Variants in CEP152 observed in about 807,000 individuals in gnomAD.
CEP152 encodes the protein centrosomal protein 152, also known as centrosomal protein of 152 kDa.
In CEP152, 132 loss-of-function variants were observed where a neutral mutation model predicts 188.9. That is an observed-to-expected ratio of 0.70 (90% CI 0.61 to 0.81). The LOEUF (loss-of-function observed/expected upper bound fraction) is 0.81, where lower values mean the gene tolerates loss of function less well. Among genes scored for constraint, CEP152 ranks in the 30% least tolerant of loss-of-function variants. The pLI is 0.00. For synonymous variants in CEP152, 649 were observed against 666.6 expected (o/e 0.97, Z 0.41); for missense variants, 1,914 against 1,969.8 (o/e 0.97, Z 0.54).
Position 48,738,279 on chromosome 15 carries a change from G to A in CEP152, c.5103C>T (p.Gly1701=), listed in dbSNP as rs555777081. The A allele has an allele frequency of 1.9e-6, 3 of 1,613,742 alleles. No individual in the cohort carries two copies. In the African/African-American group the frequency reaches 4.0e-5, roughly 22 times the overall value. The change falls in exon 27 of 27, where the codon GGC becomes GGT. Residue 1701 remains glycine, a synonymous_variant. Transcript: ENST00000380950. ...CTAGATTAACAAATGGGCTATCAAAGCCACTATCTTGTTGGCTAGATAGCG... is the reference window on the plus strand; with the variant it reads ...CTAGATTAACAAATGGGCTATCAAAACCACTATCTTGTTGGCTAGATAGCG... ...IVPLSSQQDS[G]FDSPFVNLD
At chr15:48,731,402 T>C (rs1460423799) in intron 2 of CEP152, among the ~76,000 whole-genome samples, 2 of 152,096 alleles carry the variant, frequency 1.3e-5, no homozygotes, top group African/African-American at 4.8e-5. Flanking sequence ...TTTAAAATAG[T>C]CACGTTTTTC....
intron 9 of CEP152, among the ~76,000 whole-genome samples, chr15:48,788,431 T>C (rs985406863): frequency 1.3e-5 from 2 of 149,272 alleles, no homozygotes; most frequent in Non-Finnish European, 3.0e-5. Flanking sequence ...CCTCCCGGGT[T>C]CAAGCAATTC....
chr15:48,794,700 A>C (rs1031644012), intron 6 of CEP152, among the ~76,000 whole-genome samples: 1 of 152,260 alleles, frequency 6.6e-6, no homozygotes, highest in African/African-American at 2.4e-5. Flanking sequence ...AGATACAAAT[A>C]CAACTTTTCA....
At chr15:48,755,821 AG>A in intron 20 of CEP152, 81 bp downstream of exon 20, 1 of 1,590,464 alleles carries the variant, frequency 6.3e-7, no homozygotes, top group Non-Finnish European at 8.5e-7. Context: ...AAAATTTAAA[AG>A]GAAAAAAGGA....
At chr15:48,749,233 A>G (rs1893699221) in intron 21 of CEP152, among the ~76,000 whole-genome samples, 1 of 152,102 alleles carries the variant, frequency 6.6e-6, no homozygotes, top group Non-Finnish European at 1.5e-5. Context: ...ACAGAGAGAT[A>G]AAATAAATAC....
At chr15:48,769,533 G>C (rs1462332194) in intron 13 of CEP152, among the ~76,000 whole-genome samples, 1 of 152,194 alleles carries the variant, frequency 6.6e-6, no homozygotes, top group Non-Finnish European at 1.5e-5. Flanking sequence ...GTCAAGAACT[G>C]ATATGTGCTC....
intron 24 of CEP152, among the ~76,000 whole-genome samples, chr15:48,742,885 A>G (rs576903045): frequency 3.3e-5 from 5 of 152,112 alleles, no homozygotes; most frequent in Non-Finnish European, 5.9e-5. Flanking sequence ...AAGGATACCA[A>G]TTCATACAGG....
rs747436177 is a variant in CEP152 at position 48,787,163 on chromosome 15, G to GTTTTTTTTTTT, written c.1173+1627_1173+1637dup. Among the ~76,000 whole-genome samples the GTTTTTTTTTTT allele has an allele frequency of 5.6e-3, 567 of 101,496 alleles. 102 individuals are homozygous for GTTTTTTTTTTT. Among genetic ancestry groups the GTTTTTTTTTTT allele is most frequent in the Middle Eastern group, 9.1e-3 (1 of 110 alleles). 66.6% of individuals were successfully genotyped at this position (101,496 alleles called of 152,430 possible). A position where few individuals can be genotyped will look rare whatever the true frequency, so the allele number is the denominator to read the frequency against. On this transcript the variant is annotated intron_variant, in intron 9 of 26. Coordinates refer to ENST00000380950, the MANE Select transcript of CEP152 (RefSeq NM_001194998.2). The stretch of plus-strand genomic sequence containing the variant: ...TTTTCAATAATTTGGTATAGCCTTC[G>GTTTTTTTTTTT]TTTTTTTTTTTTTTTTTTTCTGGAA...
chr15:48,737,299 T>C (rs1252548587), downstream of CEP152, among the ~76,000 whole-genome samples: 3 of 152,176 alleles, frequency 2.0e-5, no homozygotes, highest in Non-Finnish European at 4.4e-5. Flanking sequence ...GAGAGAAAGC[T>C]ATAGTTAACT....
At chr15:48,748,020 T>C (rs1893584728) in intron 22 of CEP152, among the ~76,000 whole-genome samples, 1 of 152,196 alleles carries the variant, frequency 6.6e-6, no homozygotes, top group Non-Finnish European at 1.5e-5. Context: ...AACAATCCTC[T>C]TTCTGAGGAA....
chr15:48,752,265 A>G, intron 21 of CEP152, 84 bp downstream of exon 21: 1 of 1,609,768 alleles, frequency 6.2e-7, no homozygotes, highest in South Asian at 1.1e-5. Flanking sequence ...GTTCACATCT[A>G]TGATCTCCTT....
chr15:48,737,390 A>G (rs1489568334), downstream of CEP152, among the ~76,000 whole-genome samples: 1 of 152,192 alleles, frequency 6.6e-6, no homozygotes, highest in South Asian at 2.1e-4. Context: ...AAAAACAATG[A>G]TATTTAGGTA....
intron 2 of CEP152, among the ~76,000 whole-genome samples, chr15:48,804,969 C>T (rs558527664): frequency 1.8e-4 from 28 of 152,280 alleles, no homozygotes; most frequent in African/African-American, 6.7e-4. Flanking sequence ...GGTGTTTTGG[C>T]GTAGACTGCT....
chr15:48,748,974 A>G (rs779102928), intron 21 of CEP152, among the ~76,000 whole-genome samples: 1 of 152,146 alleles, frequency 6.6e-6, no homozygotes, highest in Non-Finnish European at 1.5e-5. Flanking sequence ...GGGTATATAC[A>G]AAATAAGACT....
chr15:48,741,165 T>G, intron 26 of CEP152: 1 of 911,818 alleles, frequency 1.1e-6, no homozygotes, highest in Non-Finnish European at 1.3e-6. Context: ...GGCCTCACTC[T>G]GTCACCCAGG....
At position 48,788,945 on chromosome 15, in the gene CEP152, C is replaced by A; in HGVS notation, c.1029G>T (p.Leu343=). ...EMALESLKQQ[L]VDLHHSESLQ... ...GTGATTCAGAATGATGAAGGTCCAC[C>A]AGCTGCTGCTTCAAGCTTTCCAGAG... Residue 343 remains leucine, a synonymous_variant, in exon 9 of 27, where the codon CTG becomes CTT. Transcript: ENST00000380950. 1 of 1,614,180 alleles carries A rather than the reference C, an allele frequency of 6.2e-7. No individual in the cohort carries two copies. Among genetic ancestry groups the A allele is most frequent in the Admixed American group, 1.7e-5 (1 of 60,028 alleles).
At position 48,760,998 on chromosome 15, in the gene CEP152, C is replaced by T. The variant is rs533573743; in HGVS notation, c.2563-732G>A. Among the ~76,000 whole-genome samples the T allele has an allele frequency of 4.6e-5, 7 of 152,204 alleles. No individual in the cohort carries two copies. The South Asian group carries it at 1.0e-3, about 23-fold the overall frequency. ...TATGTCAATGTGTAAACTCTGTCTA[C>T]GTACAAACTCCAAGGAGTTAAGAAA... is the stretch of plus-strand genomic sequence containing the variant. On this transcript the variant is annotated intron_variant, in intron 18 of 26. Coordinates refer to ENST00000380950, the MANE Select transcript of CEP152 (RefSeq NM_001194998.2).
chr15:48,762,494 A>G lies in CEP152; in HGVS notation c.2459T>C (p.Ile820Thr), dbSNP rs1894756962. 1.2e-6 allele frequency: 2 copies of G among 1,614,002 alleles called. No individual in the cohort carries two copies. Among genetic ancestry groups the G allele is most frequent in the Non-Finnish European group, 8.5e-7 (1 of 1,179,982 alleles). The change falls in exon 18 of 27, where the codon ATC becomes ACC. Residue 820 changes from isoleucine to threonine, a missense_variant. Physicochemically the swap from Ile to Thr is moderately conservative, Grantham distance 89 (BLOSUM62 -1). Transcript: ENST00000380950. ...CTTCTCTTGTTCTAAGTTTTGCTGG[A>G]TTGTGCACTTCTGCTCTTCTATCAT... is the stretch of plus-strand genomic sequence containing the variant. ...AIMIEEQKCTIQQNLEQEKDI... is the reference protein window; with the variant it reads ...AIMIEEQKCTTQQNLEQEKDI...
Position 48,772,672 on chromosome 15 carries a change from G to T in CEP152, c.1597C>A (p.Pro533Thr). 1.2e-6 allele frequency: 2 copies of T among 1,613,748 alleles called. No homozygotes were observed. The highest frequency in any genetic ancestry group is 1.7e-6 in the Non-Finnish European group (2 of 1,179,920). Residue 533 changes from proline (P) to threonine (T), a missense_variant, in exon 13 of 27, where the codon CCA (proline) becomes ACA (threonine). Pro to Thr is a conservative substitution (Grantham distance 38, BLOSUM62 -1). Coordinates refer to ENST00000380950, the MANE Select transcript of CEP152 (RefSeq NM_001194998.2). ...TCATCTTTTGAAAGCTCTTCATTTG[G>T]GTCTTCTTCTTGTACAATGCTAATG... Reference protein sequence around the residue: ...KVTSIVQEEDPNEELSKDEFI... With the variant: ...KVTSIVQEEDTNEELSKDEFI...
Sources: allele counts gnomAD v4.1 joint callset (sites outside exome capture counted in the v4.1 genomes callset), GRCh38; gene constraint gnomAD v4.1.1; transcripts MANE v1.5; gene names NCBI Gene and HGNC (gene_info 2026-07-23, HGNC 2026-07-21).